Variants in LHFPL6 observed in about 807,000 individuals in gnomAD.
The protein encoded by LHFPL6 is LHFPL tetraspan subfamily member 6, also known as LHFPL tetraspan subfamily member 6 protein.
A neutral mutation model predicts 20.6 loss-of-function variants in LHFPL6; 9 were observed. The ratio of observed to expected loss-of-function variants is 0.44; its 90% CI spans 0.26 to 0.76. LHFPL6 has a LOEUF of 0.76. Among genes scored for constraint, LHFPL6 ranks in the 30% least tolerant of loss-of-function variants. The pLI is 0.20. For synonymous variants in LHFPL6, 105 were observed against 98.7 expected, an observed-to-expected ratio of 1.06 and a Z score of -0.38; for missense variants, 218 against 253.5, an observed-to-expected ratio of 0.86 and a Z score of 0.95.
intron 2 of LHFPL6, among the ~76,000 whole-genome samples, chr13:39,578,923 AAG>A (rs1232874432): frequency 2.4e-4 from 37 of 152,306 alleles, no homozygotes; most frequent in African/African-American, 8.9e-4. Flanking sequence ...GGGGTCTGTG[AAG>A]AGAGGAGAGA....
chr13:39,519,271 T>TA (rs1448978525), intron 2 of LHFPL6, among the ~76,000 whole-genome samples: 5 of 152,108 alleles, frequency 3.3e-5, no homozygotes, highest in African/African-American at 1.2e-4. Context: ...CAGAGCCAAG[T>TA]AAGTGAGATA....
At chr13:39,369,692 G>A (rs1297021079) in intron 3 of LHFPL6, among the ~76,000 whole-genome samples, 3 of 148,596 alleles carry the variant, frequency 2.0e-5, no homozygotes, top group Non-Finnish European at 4.5e-5. Flanking sequence ...TATATGGCAT[G>A]CCAGTAAGAA....
At chr13:39,595,160 TACAA>T (rs1872732362) in intron 2 of LHFPL6, among the ~76,000 whole-genome samples, 1 of 152,176 alleles carries the variant, frequency 6.6e-6, no homozygotes, top group South Asian at 2.1e-4. Flanking sequence ...CATTATTAGA[TACAA>T]ACATATAAAA....
chr13:39,564,763 G>C (rs548473450), intron 2 of LHFPL6, among the ~76,000 whole-genome samples: 1 of 152,122 alleles, frequency 6.6e-6, no homozygotes, highest in African/African-American at 2.4e-5. Flanking sequence ...TATGTAAAAG[G>C]GTTAAGAACA....
intron 2 of LHFPL6, among the ~76,000 whole-genome samples, chr13:39,589,251 C>A (rs2324349): frequency 6.6e-6 from 1 of 151,922 alleles, no homozygotes; most frequent in African/African-American, 2.4e-5. Context: ...AGATTACAGG[C>A]GCATGCCACC....
chr13:39,431,279 A>G (rs73460953), intron 2 of LHFPL6, among the ~76,000 whole-genome samples: 26,499 of 151,848 alleles, frequency 0.17, 2,676 homozygotes, highest in African/African-American at 0.28. Flanking sequence ...TGAAGTCAGC[A>G]AGACTACAAA....
intron 2 of LHFPL6, among the ~76,000 whole-genome samples, chr13:39,420,564 TG>T (rs2138395548): frequency 6.6e-6 from 1 of 152,284 alleles, no homozygotes; most frequent in South Asian, 2.1e-4. Flanking sequence ...TTGTAGATAC[TG>T]AAGGAAGTGG....
chr13:39,466,387 TG>T (rs1872807563), intron 2 of LHFPL6, among the ~76,000 whole-genome samples: 2 of 152,226 alleles, frequency 1.3e-5, no homozygotes, highest in Non-Finnish European at 2.9e-5. Context: ...ATATTGATTA[TG>T]CCCTGGGCAA....
chr13:39,427,740 G>A (rs181191517), intron 2 of LHFPL6, among the ~76,000 whole-genome samples: 80 of 152,178 alleles, frequency 5.3e-4, no homozygotes, highest in African/African-American at 1.8e-3. Flanking sequence ...TGTAGGCTTC[G>A]GATATGCTTC....
At chr13:39,586,460 C>A (rs755059978) in intron 2 of LHFPL6, among the ~76,000 whole-genome samples, 5 of 152,126 alleles carry the variant, frequency 3.3e-5, no homozygotes, top group Non-Finnish European at 7.4e-5. Flanking sequence ...TAAAAAATAA[C>A]CCACTGAAAG....
rs112447400 is a variant in LHFPL6 at position 39,569,524 on chromosome 13, C to G, written c.385+31308G>C. Among the ~76,000 whole-genome samples the G allele has an allele frequency of 2.7e-3, 413 of 152,224 alleles. 1 individual carries two copies. The highest frequency in any genetic ancestry group is 9.5e-3 in the African/African-American group (395 of 41,518). Reference sequence around the variant, plus strand: ...ATTATTAACCAGATGTCCTAAAAAACTTACTCAAGAAAAAGTAGATTACCA... The same window carrying G: ...ATTATTAACCAGATGTCCTAAAAAAGTTACTCAAGAAAAAGTAGATTACCA... On this transcript the variant is annotated intron_variant, in intron 2 of 3. Coordinates refer to ENST00000379589, the MANE Select transcript of LHFPL6 (RefSeq NM_005780.3).
chr13:39,540,194 A>G (rs986029951), intron 2 of LHFPL6, among the ~76,000 whole-genome samples: 1 of 152,168 alleles, frequency 6.6e-6, no homozygotes, highest in Non-Finnish European at 1.5e-5. Flanking sequence ...ATATAAAGCT[A>G]TATAAAGAGC....
rs185256495 is a variant in LHFPL6 at position 39,450,758 on chromosome 13, T to C, written c.386-72232A>G. 1.4e-4 allele frequency among the ~76,000 whole-genome samples: 21 copies of C among 152,334 alleles called. No individual in the cohort carries two copies. In the East Asian group the frequency reaches 3.9e-3, roughly 28 times the overall value. The stretch of plus-strand genomic sequence containing the variant: ...AAACAGTCAAATATCAGTCATTTCA[T>C]ATGGCTCCAGCTAATGTTATTATGG... On this transcript the variant is annotated intron_variant, in intron 2 of 3. Coordinates refer to ENST00000379589, the MANE Select transcript of LHFPL6 (RefSeq NM_005780.3).
intron 3 of LHFPL6, among the ~76,000 whole-genome samples, chr13:39,359,050 T>C (rs1869807205): frequency 6.6e-6 from 1 of 152,024 alleles, no homozygotes; most frequent in African/African-American, 2.4e-5. Context: ...TAATCCCAGC[T>C]ACTCGGGAGG....
chr13:39,456,777 G>C (rs1018506832), intron 2 of LHFPL6, among the ~76,000 whole-genome samples: 1 of 151,392 alleles, frequency 6.6e-6, no homozygotes, highest in African/African-American at 2.4e-5. Context: ...AAACATTTGT[G>C]ATATTGAATT....
At chr13:39,489,728 T>C (rs1218531269) in intron 2 of LHFPL6, among the ~76,000 whole-genome samples, 6 of 151,972 alleles carry the variant, frequency 3.9e-5, no homozygotes, top group Non-Finnish European at 8.8e-5. Flanking sequence ...AATTTTTGTA[T>C]TTTTAGTAGA....
intron 2 of LHFPL6, among the ~76,000 whole-genome samples, chr13:39,385,839 G>A (rs1870550523): frequency 6.6e-6 from 1 of 152,150 alleles, no homozygotes; most frequent in Non-Finnish European, 1.5e-5. Context: ...GAGTCCTCAT[G>A]TTAAACTCAT....
chr13:39,490,549 T>G (rs1464809745), intron 2 of LHFPL6, among the ~76,000 whole-genome samples: 1 of 152,158 alleles, frequency 6.6e-6, no homozygotes, highest in Non-Finnish European at 1.5e-5. Flanking sequence ...TGCTGGAGTC[T>G]TTAGGAAAAA....
intron 2 of LHFPL6, among the ~76,000 whole-genome samples, chr13:39,531,294 T>G (rs1414683116): frequency 6.6e-6 from 1 of 152,184 alleles, no homozygotes; most frequent in Non-Finnish European, 1.5e-5. Flanking sequence ...AAAAATCGGC[T>G]GTGCTGGTGG....
Sources: gnomAD v4.1 joint callset for allele counts (sites outside exome capture counted in the v4.1 genomes callset) on GRCh38, gnomAD v4.1.1 for gene constraint, MANE v1.5 for transcripts, NCBI Gene and HGNC (gene_info 2026-07-23, HGNC 2026-07-21) for gene names.